TANC2: variants seen among roughly 807,000 people sequenced by gnomAD.
The protein encoded by TANC2 is tetratricopeptide repeat, ankyrin repeat and coiled-coil containing 2.
Under a neutral mutation model 210.5 loss-of-function variants are expected in TANC2, and 26 were observed. The ratio of observed to expected loss-of-function variants is 0.12; its 90% CI spans 0.09 to 0.17. The LOEUF (loss-of-function observed/expected upper bound fraction) is 0.17, where lower values mean the gene tolerates loss of function less well. Among genes scored for constraint, TANC2 ranks in the 10% least tolerant of loss-of-function variants. The pLI, the probability that TANC2 is intolerant of heterozygous loss-of-function variation, is 1.00. For synonymous variants in TANC2, 931 were observed against 967.1 expected (o/e 0.96, Z 0.69); for missense variants, 2,129 against 2,608.9 (o/e 0.82, Z 4.01).
exon 20 of TANC2, chr17:63,405,151 C>T: frequency 6.2e-7 from 1 of 1,613,326 alleles, no homozygotes; most frequent in Non-Finnish European, 8.5e-7. Flanking sequence ...AAGGGGCAAA[C>T]TGGAGGTGTG....
At chr17:63,073,903 T>C (rs1241320286) in intron 2 of TANC2, 40 bp from the exon 3 acceptor site, 5 of 1,499,764 alleles carry the variant, frequency 3.3e-6, no homozygotes. Flanking sequence ...TATGTCAATC[T>C]CATTATCTAT....
chr17:63,180,467 A>T (rs551132885), intron 5 of TANC2, among the ~76,000 whole-genome samples: 1 of 152,230 alleles, frequency 6.6e-6, no homozygotes, highest in Non-Finnish European at 1.5e-5. Flanking sequence ...CAGGACAAGT[A>T]TTACTATTTA....
At chr17:63,086,608 G>T (rs1480293881) in intron 3 of TANC2, among the ~76,000 whole-genome samples, 1 of 151,874 alleles carries the variant, frequency 6.6e-6, no homozygotes, top group Non-Finnish European at 1.5e-5. Flanking sequence ...TTTCATGAAA[G>T]CCCATAGCAT....
At chr17:63,122,692 A>G (rs982401026) in intron 4 of TANC2, among the ~76,000 whole-genome samples, 4 of 152,194 alleles carry the variant, frequency 2.6e-5, no homozygotes, top group Admixed American at 6.5e-5. Context: ...AGATCACACC[A>G]CTGTACTCCA....
intron 3 of TANC2, 86 bp from the exon 4 acceptor site, chr17:63,099,089 G>T: frequency 1.5e-6 from 2 of 1,310,518 alleles, no homozygotes; most frequent in Non-Finnish European, 2.2e-6. Context: ...AATATTTGTT[G>T]TTCTGGATTA....
At chr17:63,060,031 T>G (rs2035939386) in intron 2 of TANC2, among the ~76,000 whole-genome samples, 1 of 152,218 alleles carries the variant, frequency 6.6e-6, no homozygotes, top group Admixed American at 6.5e-5. Flanking sequence ...CAATATAGAT[T>G]CAGTATTACA....
intron 9 of TANC2, among the ~76,000 whole-genome samples, chr17:63,280,699 A>G (rs1176129157): frequency 2.0e-5 from 3 of 152,116 alleles, no homozygotes; most frequent in Non-Finnish European, 4.4e-5. Flanking sequence ...ATTAGCAGAA[A>G]TCTGATAGGG....
At chr17:63,076,206 T>C (rs950089096) in intron 3 of TANC2, among the ~76,000 whole-genome samples, 1 of 152,118 alleles carries the variant, frequency 6.6e-6, no homozygotes, top group Non-Finnish European at 1.5e-5. Flanking sequence ...TCCTCACCCC[T>C]AACCAAAAGC....
chr17:63,291,612 A>T (rs191908287), intron 9 of TANC2, among the ~76,000 whole-genome samples: 1 of 152,328 alleles, frequency 6.6e-6, no homozygotes, highest in South Asian at 2.1e-4. Flanking sequence ...TACAAAAGAA[A>T]TGTGAGAGAT....
chr17:63,195,169 A>G (rs2041304687), intron 6 of TANC2, among the ~76,000 whole-genome samples: 1 of 152,224 alleles, frequency 6.6e-6, no homozygotes, highest in Admixed American at 6.5e-5. Context: ...TGCTAGCTGC[A>G]CATTATTTAA....
chr17:63,141,379 TAAAAAAAAAAAAAAAAAAAAAAAAAA>T (rs71155970), intron 4 of TANC2, among the ~76,000 whole-genome samples: 2 of 21,840 alleles, frequency 9.2e-5, no homozygotes, highest in African/African-American at 3.1e-4. Flanking sequence ...CCGTTTCTAC[TAAAAAAAAAAAAAAAAAAAAAAAAAA>T]AAAAAAAAAA....
At chr17:63,159,812 T>C (rs145369000) in intron 5 of TANC2, among the ~76,000 whole-genome samples, 1 of 152,262 alleles carries the variant, frequency 6.6e-6, no homozygotes, top group African/African-American at 2.4e-5. Context: ...CTGAAATCAG[T>C]CTGTTGCAGA....
At chr17:63,271,993 C>G (rs1252938220) in intron 9 of TANC2, among the ~76,000 whole-genome samples, 1 of 152,030 alleles carries the variant, frequency 6.6e-6, no homozygotes, top group Non-Finnish European at 1.5e-5. Context: ...GTTGGAATTG[C>G]TTTTGGTGGC....
At chr17:63,007,145 C>G (rs2033660579) in intron 1 of TANC2, among the ~76,000 whole-genome samples, 1 of 152,112 alleles carries the variant, frequency 6.6e-6, no homozygotes, top group African/African-American at 2.4e-5. Context: ...GGGAGGATCA[C>G]TTGAGCCCAG....
At chr17:63,301,891 T>C (rs1347958299) in intron 9 of TANC2, among the ~76,000 whole-genome samples, 1 of 152,236 alleles carries the variant, frequency 6.6e-6, no homozygotes, top group Admixed American at 6.5e-5. Context: ...TTGAGATCTT[T>C]CTGGCTTTCT....
rs1229358493 is a variant in TANC2, at chr17:63,318,944, C to A, written c.1442-13C>A. The A allele has an allele frequency of 1.2e-6, 2 of 1,611,802 alleles. No individual in the cohort carries two copies. Among genetic ancestry groups the A allele is most frequent in the African/African-American group, 2.7e-5 (2 of 74,834 alleles). On this transcript the variant is annotated splice_polypyrimidine_tract_variant and intron_variant, in intron 10 of 27. Coordinates refer to ENST00000689528, the Ensembl canonical transcript of TANC2. ...GATTATCTGATGCAAACATCTAAAT[C>A]TTTTTAATCCAGATGTGGATGCCAA... is the stretch of plus-strand genomic sequence containing the variant.
At chr17:63,233,446 C>T (rs2042536669) in intron 7 of TANC2, among the ~76,000 whole-genome samples, 1 of 152,226 alleles carries the variant, frequency 6.6e-6, no homozygotes, top group Non-Finnish European at 1.5e-5. Flanking sequence ...TCACTCACTA[C>T]CACCTCCCTT....
intron 1 of TANC2, among the ~76,000 whole-genome samples, chr17:62,968,792 A>G (rs1198829028): frequency 1.3e-5 from 2 of 152,148 alleles, no homozygotes; most frequent in Non-Finnish European, 2.9e-5. Flanking sequence ...AGGGCTTTAA[A>G]CTTACTGTTA....
At chr17:63,118,429 T>C (rs1195553797) in intron 4 of TANC2, among the ~76,000 whole-genome samples, 2 of 152,218 alleles carry the variant, frequency 1.3e-5, no homozygotes, top group Non-Finnish European at 2.9e-5. Flanking sequence ...GACTCTTTGT[T>C]TTCTGGCTTT....
Sources: allele counts gnomAD v4.1 joint callset (sites outside exome capture counted in the v4.1 genomes callset), GRCh38; gene constraint gnomAD v4.1.1; transcripts MANE v1.5; gene names NCBI Gene and HGNC (gene_info 2026-07-23, HGNC 2026-07-21).